Variants in PTPRD observed in about 807,000 individuals in gnomAD.
PTPRD encodes protein tyrosine phosphatase receptor type D.
A neutral mutation model predicts 214.5 loss-of-function variants in PTPRD; 34 were observed. The ratio of observed to expected loss-of-function variants is 0.16; its 90% confidence interval spans 0.12 to 0.21. PTPRD has a LOEUF of 0.21. Among genes scored for constraint, PTPRD ranks in the 10% least tolerant of loss-of-function variants. The pLI is 1.00. For missense variants in PTPRD, 2,545 were observed against 2,398.7 expected (o/e 1.06, Z -1.27); for synonymous variants, 1,128 against 845.7 (o/e 1.33, Z -5.79).
At chr9:8,356,412 T>C (rs1275392768) in intron 39 of PTPRD, among the ~76,000 whole-genome samples, 3 of 152,198 alleles carry the variant, frequency 2.0e-5, no homozygotes, top group Admixed American at 6.5e-5. Context: ...AATAGAAAGT[T>C]TTCATGCTGA....
intron 10 of PTPRD, among the ~76,000 whole-genome samples, chr9:9,155,670 A>C (rs2154491553): frequency 6.6e-6 from 1 of 152,266 alleles, no homozygotes; most frequent in South Asian, 2.1e-4. Context: ...TGCTTGTTTC[A>C]CATAAAGGTG....
intron 7 of PTPRD, among the ~76,000 whole-genome samples, chr9:9,719,668 C>T (rs769709616): frequency 3.3e-5 from 5 of 152,182 alleles, no homozygotes; most frequent in Admixed American, 6.5e-5. Flanking sequence ...CGCTATGCTG[C>T]GGCGGTGAGG....
intron 11 of PTPRD, among the ~76,000 whole-genome samples, chr9:8,799,653 G>A (rs553942330): frequency 6.6e-6 from 1 of 152,198 alleles, no homozygotes. Context: ...TTCAACTTCT[G>A]CCTTCCTTAA....
At chr9:9,344,731 G>C (rs1391076742) in intron 9 of PTPRD, among the ~76,000 whole-genome samples, 2 of 151,810 alleles carry the variant, frequency 1.3e-5, no homozygotes, top group African/African-American at 4.8e-5. Context: ...AATCCAAAAG[G>C]CAAGTTACCT....
chr9:9,763,140 C>T (rs2098674937), intron 6 of PTPRD, among the ~76,000 whole-genome samples: 1 of 152,128 alleles, frequency 6.6e-6, no homozygotes, highest in African/African-American at 2.4e-5. Flanking sequence ...TCTTCAAAAC[C>T]CTGTCTTTAT....
chr9:9,750,405 A>T (rs538826828), intron 6 of PTPRD, among the ~76,000 whole-genome samples: 1 of 152,286 alleles, frequency 6.6e-6, no homozygotes, highest in East Asian at 1.9e-4. Flanking sequence ...CCCTCAGCTT[A>T]TATACAAACC....
chr9:9,377,622 A>G (rs1179062598), intron 9 of PTPRD, among the ~76,000 whole-genome samples: 1 of 152,160 alleles, frequency 6.6e-6, no homozygotes. Context: ...CCAGCTTTAC[A>G]TAAAACTAAA....
At chr9:10,554,963 C>T (rs2062172189) in intron 2 of PTPRD, among the ~76,000 whole-genome samples, 2 of 152,090 alleles carry the variant, frequency 1.3e-5, no homozygotes. Context: ...CCAGGCTATA[C>T]ATTTCTAAAG....
chr9:9,794,242 T>C (rs1421267605), intron 5 of PTPRD, among the ~76,000 whole-genome samples: 1 of 151,582 alleles, frequency 6.6e-6, no homozygotes, highest in Non-Finnish European at 1.5e-5. Flanking sequence ...TATATATATA[T>C]GGTGTTCCAA....
intron 5 of PTPRD, among the ~76,000 whole-genome samples, chr9:9,870,808 G>C (rs1171650608): frequency 6.6e-6 from 1 of 152,106 alleles, no homozygotes; most frequent in Non-Finnish European, 1.5e-5. Context: ...AAGGGAAAGA[G>C]AAGGTAGGAT....
chr9:9,894,833 T>C (rs1367010139), intron 5 of PTPRD, among the ~76,000 whole-genome samples: 40 of 152,128 alleles, frequency 2.6e-4, no homozygotes, highest in Admixed American at 2.6e-3. Context: ...GAATAAAATG[T>C]CTGTTTTTTT....
intron 14 of PTPRD, among the ~76,000 whole-genome samples, chr9:8,551,498 GT>G (rs1199484533): frequency 6.6e-6 from 1 of 151,278 alleles, no homozygotes; most frequent in Non-Finnish European, 1.5e-5. Context: ...CTTCCTCTTT[GT>G]TTTTTAACGA....
chr9:9,204,807 A>G (rs891150363), intron 9 of PTPRD, among the ~76,000 whole-genome samples: 1 of 152,178 alleles, frequency 6.6e-6, no homozygotes, highest in Non-Finnish European at 1.5e-5. Flanking sequence ...ATTAAAAATG[A>G]CCAAAAGAAA....
chr9:9,319,008 G>C (rs1190072520), intron 9 of PTPRD, among the ~76,000 whole-genome samples: 2 of 152,168 alleles, frequency 1.3e-5, no homozygotes, highest in African/African-American at 4.8e-5. Context: ...AGAAACACAA[G>C]TTAAGTAAGC....
At chr9:8,349,124 C>G (rs551642395) in intron 39 of PTPRD, among the ~76,000 whole-genome samples, 15 of 152,052 alleles carry the variant, frequency 9.9e-5, no homozygotes, top group African/African-American at 3.1e-4. Flanking sequence ...AACATTTCCC[C>G]GAAGCCCCCA....
At chr9:10,441,502 A>G (rs2098758076) in intron 2 of PTPRD, among the ~76,000 whole-genome samples, 1 of 151,680 alleles carries the variant, frequency 6.6e-6, no homozygotes, top group African/African-American at 2.4e-5. Context: ...GCCTCAGTCC[A>G]AATGTCACCA....
At chr9:8,360,901 C>G (rs1462359737) in intron 39 of PTPRD, among the ~76,000 whole-genome samples, 1 of 152,136 alleles carries the variant, frequency 6.6e-6, no homozygotes, top group African/African-American at 2.4e-5. Flanking sequence ...TACTTTTACC[C>G]ATACTTATTT....
chr9:9,898,575 T>C (rs1285292497), intron 5 of PTPRD, among the ~76,000 whole-genome samples: 2 of 152,184 alleles, frequency 1.3e-5, no homozygotes, highest in East Asian at 3.9e-4. Flanking sequence ...TAAGGAATCC[T>C]TAGAGGTTAG....
chr9:8,341,236 C>A lies in PTPRD; in HGVS notation c.4980G>T (p.Arg1660Ser), dbSNP rs771808629. ...TACATGGAAGATTGGCACTGATAAA[C>A]CTTGAGGTGTGAGCTTTTGAGCTGG... The part of the protein sequence containing the change: ...RLASSKAHTS[R>S]FISANLPCNK... Residue 1660 changes from arginine to serine, a missense_variant, in exon 41 of 46, where the codon AGG becomes AGT. Physicochemically the swap from Arg to Ser is moderately radical, Grantham distance 110. Transcript: ENST00000381196. 18 of 1,610,938 alleles carry A rather than the reference C, an allele frequency of 1.1e-5. No individual in the cohort carries two copies. Among genetic ancestry groups the A allele is most frequent in the Non-Finnish European group, 1.4e-5 (17 of 1,178,688 alleles).
Sources: gnomAD v4.1 joint callset for allele counts (sites outside exome capture counted in the v4.1 genomes callset) on GRCh38, gnomAD v4.1.1 for gene constraint, MANE v1.5 for transcripts, NCBI Gene and HGNC (gene_info 2026-07-23, HGNC 2026-07-21) for gene names.